RALYL: variants seen among roughly 807,000 people sequenced by gnomAD.
RALYL encodes the protein RNA-binding Raly-like protein.
Under a neutral mutation model 35.1 loss-of-function variants are expected in RALYL, and 29 were observed. The ratio of observed to expected loss-of-function variants is 0.83; its 90% CI spans 0.61 to 1.13. The LOEUF is 1.13. Among genes scored for constraint, RALYL ranks in the 50% most tolerant of loss-of-function variants. The pLI, the probability that RALYL is intolerant of heterozygous loss-of-function variation, is 0.00. For missense variants in RALYL, 359 were observed against 360.4 expected (o/e 1.00, Z 0.03); for synonymous variants, 120 against 127.6 (o/e 0.94, Z 0.40).
intron 1 of RALYL, among the ~76,000 whole-genome samples, chr8:84,470,997 C>T (rs2052666420): frequency 1.3e-5 from 2 of 152,138 alleles, no homozygotes; most frequent in African/African-American, 4.8e-5. Flanking sequence ...TTAGAAAGAA[C>T]ACTTTGGAGT....
chr8:84,689,699 G>T (rs538319038), intron 2 of RALYL, among the ~76,000 whole-genome samples: 5 of 152,264 alleles, frequency 3.3e-5, no homozygotes, highest in Admixed American at 6.5e-5. Flanking sequence ...CACCAACAGT[G>T]TAAAAGTGTT....
intron 1 of RALYL, among the ~76,000 whole-genome samples, chr8:84,494,757 G>C (rs180802732): frequency 6.6e-6 from 1 of 152,228 alleles, no homozygotes; most frequent in Admixed American, 6.5e-5. Flanking sequence ...TGTATTCTGA[G>C]ATTTTGCTGA....
intron 2 of RALYL, among the ~76,000 whole-genome samples, chr8:84,621,561 G>A (rs1038202460): frequency 2.0e-5 from 3 of 151,532 alleles, no homozygotes; most frequent in Non-Finnish European, 2.9e-5. Context: ...TGTCTTCGGC[G>A]TCGCTCACGC....
At chr8:84,562,499 T>C (rs550656954) in intron 2 of RALYL, among the ~76,000 whole-genome samples, 1 of 152,000 alleles carries the variant, frequency 6.6e-6, no homozygotes, top group Non-Finnish European at 1.5e-5. Context: ...AATTTGTTTT[T>C]TCCTTATAGT....
At chr8:84,268,850 T>G (rs898844180) in intron 1 of RALYL, among the ~76,000 whole-genome samples, 1 of 152,264 alleles carries the variant, frequency 6.6e-6, no homozygotes, top group Non-Finnish European at 1.5e-5. Flanking sequence ...GAATATAAGT[T>G]CCCATAAGGC....
At chr8:84,848,284 G>C (rs975433149) in intron 4 of RALYL, among the ~76,000 whole-genome samples, 1 of 151,874 alleles carries the variant, frequency 6.6e-6, no homozygotes. Flanking sequence ...AAGAAAAAGT[G>C]ATATGTATGT....
At chr8:84,187,390 T>C (rs1812788370) in intron 1 of RALYL, among the ~76,000 whole-genome samples, 1 of 152,110 alleles carries the variant, frequency 6.6e-6, no homozygotes, top group Non-Finnish European at 1.5e-5. Flanking sequence ...TTTTCATCAT[T>C]GAAGATTAAC....
chr8:84,601,171 G>A (rs945302164), intron 2 of RALYL, among the ~76,000 whole-genome samples: 3 of 152,032 alleles, frequency 2.0e-5, no homozygotes, highest in African/African-American at 4.8e-5. Flanking sequence ...TAGTACTATG[G>A]ATAAGCAATT....
intron 1 of RALYL, among the ~76,000 whole-genome samples, chr8:84,319,498 T>A (rs774369860): frequency 6.6e-6 from 1 of 152,148 alleles, no homozygotes; most frequent in African/African-American, 2.4e-5. Flanking sequence ...GACTAGTTGT[T>A]CTTTTTCATT....
intron 1 of RALYL, among the ~76,000 whole-genome samples, chr8:84,468,647 T>A (rs1490174106): frequency 6.7e-6 from 1 of 148,210 alleles, no homozygotes; most frequent in Non-Finnish European, 1.5e-5. Flanking sequence ...TCGAGGAGTA[T>A]CTTTGTGGCG....
intron 2 of RALYL, among the ~76,000 whole-genome samples, chr8:84,615,072 G>A (rs1819157522): frequency 1.3e-5 from 2 of 151,522 alleles, no homozygotes; most frequent in South Asian, 2.1e-4. Context: ...ACAGCTAATA[G>A]GTATTTCAAA....
At chr8:84,540,805 A>G (rs973293261) in intron 2 of RALYL, among the ~76,000 whole-genome samples, 1 of 151,992 alleles carries the variant, frequency 6.6e-6, no homozygotes, top group Non-Finnish European at 1.5e-5. Flanking sequence ...ATTTTGTGGA[A>G]CTATCTTTAA....
chr8:84,263,072 A>G (rs1308197982), intron 1 of RALYL, among the ~76,000 whole-genome samples: 2 of 152,192 alleles, frequency 1.3e-5, no homozygotes, highest in African/African-American at 4.8e-5. Context: ...TCCAAAATGC[A>G]ATATATCAAT....
chr8:84,813,905 C>T (rs562690727), intron 4 of RALYL, among the ~76,000 whole-genome samples: 1 of 128,098 alleles, frequency 7.8e-6, no homozygotes, highest in Admixed American at 8.2e-5. Context: ...ACCCCTCCCC[C>T]CACCCCACGA....
At chr8:84,430,180 C>A in intron 1 of RALYL, among the ~76,000 whole-genome samples, 1 of 151,966 alleles carries the variant, frequency 6.6e-6, no homozygotes, top group African/African-American at 2.4e-5. Context: ...GTCAGAATAA[C>A]CCTCCCTTTA....
At position 84,539,864 on chromosome 8, in the gene RALYL, ATATATATATATATG is replaced by A. The variant is rs1564110561; in HGVS notation, c.256+10297_256+10310del. 7.9e-3 allele frequency among the ~76,000 whole-genome samples: 791 copies of A among 99,506 alleles called. 20 individuals carry two copies. Among genetic ancestry groups the A allele is most frequent in the African/African-American group, 0.027 (734 of 26,940 alleles). The allele number at this position is 99,506 out of a possible 152,430, so 65.3% of individuals were successfully genotyped here. A position where few individuals can be genotyped will look rare whatever the true frequency, so the allele number is the denominator to read the frequency against. ...TATATATATATATATGTATATATAT[ATATATATATATATG>A]TATATATATGTGTGTGTGTGTGTGT... On this transcript the variant is annotated intron_variant, in intron 2 of 8. Coordinates refer to ENST00000521268, the MANE Select transcript of RALYL (RefSeq NM_173848.7).
intron 2 of RALYL, among the ~76,000 whole-genome samples, chr8:84,772,595 T>G (rs1815822707): frequency 1.3e-5 from 2 of 152,100 alleles, no homozygotes; most frequent in South Asian, 2.1e-4. Flanking sequence ...TTTTATAGTA[T>G]GTAAATAATA....
intron 1 of RALYL, among the ~76,000 whole-genome samples, chr8:84,310,785 C>G (rs572830497): frequency 2.2e-5 from 3 of 137,956 alleles, no homozygotes; most frequent in South Asian, 2.1e-4. Flanking sequence ...CGGTGGCTCA[C>G]GCCTGTAATC....
intron 1 of RALYL, among the ~76,000 whole-genome samples, chr8:84,363,927 C>T (rs1375526813): frequency 1.3e-5 from 2 of 152,102 alleles, no homozygotes; most frequent in Non-Finnish European, 2.9e-5. Flanking sequence ...AAGCTGAGAA[C>T]CACTGATTTA....
Sources: gnomAD v4.1 joint callset for allele counts (sites outside exome capture counted in the v4.1 genomes callset) on GRCh38, gnomAD v4.1.1 for gene constraint, MANE v1.5 for transcripts, NCBI Gene and HGNC (gene_info 2026-07-23, HGNC 2026-07-21) for gene names.